Variants in TOP6BL observed in about 807,000 individuals in gnomAD.
TOP6BL encodes the protein type 2 DNA topoisomerase 6 subunit B-like.
At chr11:66,802,468 TA>T in the TOP6BL span, among the ~76,000 whole-genome samples, 1 of 152,108 alleles carries the variant, frequency 6.6e-6, no homozygotes, top group Admixed American at 6.6e-5. Flanking sequence ...ACTGCTAATT[TA>T]AAAAAAATTT....
the TOP6BL span, among the ~76,000 whole-genome samples, chr11:66,804,912 C>A: frequency 6.6e-6 from 1 of 151,996 alleles, no homozygotes; most frequent in Non-Finnish European, 1.5e-5. Context: ...TTAGTAAATA[C>A]AAAAATTAGC....
the TOP6BL span, among the ~76,000 whole-genome samples, chr11:66,764,409 T>C: frequency 6.6e-6 from 1 of 151,348 alleles, no homozygotes; most frequent in East Asian, 1.9e-4. Context: ...ATCCCAGCAC[T>C]TTGGGAGGCC....
the TOP6BL span, among the ~76,000 whole-genome samples, chr11:66,766,126 C>T: frequency 6.6e-6 from 1 of 152,122 alleles, no homozygotes; most frequent in African/African-American, 2.4e-5. Context: ...TCTGTAAATT[C>T]AGTTTAACTC....
At chr11:66,758,302 C>CTTTTCTTTTTTTTTTTTT in the TOP6BL span, 3 of 67,328 alleles carry the variant, frequency 4.5e-5, no homozygotes, top group East Asian at 9.8e-4. Context: ...TTTTCTTTTT[C>CTTTTCTTTTTTTTTTTTT]TTTTTTTTTT....
At chr11:66,833,755 C>T in the TOP6BL span, among the ~76,000 whole-genome samples, 3 of 152,028 alleles carry the variant, frequency 2.0e-5, no homozygotes, top group Non-Finnish European at 4.4e-5. Context: ...TGAAACCTGC[C>T]TGGCAAACAT....
the TOP6BL span, among the ~76,000 whole-genome samples, chr11:66,775,233 A>G: frequency 6.6e-6 from 1 of 151,100 alleles, no homozygotes; most frequent in Non-Finnish European, 1.5e-5. Context: ...TTTTTGTGAG[A>G]TGATATATCT....
chr11:66,816,747 G>A, the TOP6BL span, among the ~76,000 whole-genome samples: 1 of 152,078 alleles, frequency 6.6e-6, no homozygotes, highest in Admixed American at 6.6e-5. Flanking sequence ...ATTATATTTT[G>A]TATTATTATT....
At chr11:66,768,668 GT>G in the TOP6BL span, among the ~76,000 whole-genome samples, 4,143 of 115,350 alleles carry the variant, frequency 0.036, 140 homozygotes, top group African/African-American at 0.11. Flanking sequence ...TTTGTTTTTT[GT>G]TTTTTTTTTT....
the TOP6BL span, among the ~76,000 whole-genome samples, chr11:66,763,922 C>T: frequency 2.6e-5 from 4 of 152,172 alleles, no homozygotes; most frequent in African/African-American, 9.7e-5. Flanking sequence ...TTTATTTTAG[C>T]TCCAGAACAT....
the TOP6BL span, among the ~76,000 whole-genome samples, chr11:66,821,982 G>A: frequency 6.6e-6 from 1 of 152,248 alleles, no homozygotes; most frequent in East Asian, 1.9e-4. Context: ...CTCCTAGTAG[G>A]TGTGTTTGGG....
the TOP6BL span, among the ~76,000 whole-genome samples, chr11:66,772,978 G>C: frequency 2.0e-5 from 3 of 151,782 alleles, no homozygotes; most frequent in Non-Finnish European, 2.9e-5. Flanking sequence ...TTAAATATTT[G>C]GTGCAAATCA....
the TOP6BL span, chr11:66,744,840 C>CGGCG: frequency 9.0e-6 from 12 of 1,329,266 alleles, no homozygotes; most frequent in East Asian, 3.1e-5. Context: ...GCGGCGGCGG[C>CGGCG]GGCGGGCGGG....
the TOP6BL span, among the ~76,000 whole-genome samples, chr11:66,767,423 G>A: frequency 1.3e-5 from 2 of 152,090 alleles, no homozygotes; most frequent in Non-Finnish European, 2.9e-5. Context: ...GTGAGGAAAG[G>A]AAAGTGGATG....
At chr11:66,800,584 T>C in the TOP6BL span, 1 of 1,404,294 alleles carries the variant, frequency 7.1e-7, no homozygotes, top group Non-Finnish European at 9.7e-7. Flanking sequence ...GATATGGAAG[T>C]TTTTAATCTG....
chr11:66,800,932 A>T, the TOP6BL span: 18 of 1,271,480 alleles, frequency 1.4e-5, no homozygotes, highest in Admixed American at 2.8e-4. Context: ...GAATTCTAGT[A>T]ATCGCTGGGG....
chr11:66,824,484 T>C, the TOP6BL span, among the ~76,000 whole-genome samples: 2 of 150,154 alleles, frequency 1.3e-5, no homozygotes, highest in South Asian at 2.1e-4. Flanking sequence ...TTAGGGTACA[T>C]GTACACAACA....
chr11:66,796,045 C>G, the TOP6BL span: 1 of 439,342 alleles, frequency 2.3e-6, no homozygotes, highest in Non-Finnish European at 4.1e-6. Flanking sequence ...GGGTTTTACT[C>G]TGATCTTTAT....
At chr11:66,798,792 T>G in the TOP6BL span, among the ~76,000 whole-genome samples, 5 of 151,304 alleles carry the variant, frequency 3.3e-5, no homozygotes, top group African/African-American at 1.2e-4. Context: ...ATGTATTTTT[T>G]GGCCGGGCGT....
the TOP6BL span, among the ~76,000 whole-genome samples, chr11:66,834,125 A>T: frequency 3.9e-5 from 6 of 152,348 alleles, no homozygotes; most frequent in African/African-American, 1.4e-4. Context: ...ATCTGTGCCG[A>T]GATTTTCACT....
Sources: allele counts gnomAD v4.1 joint callset (sites outside exome capture counted in the v4.1 genomes callset), GRCh38; gene constraint gnomAD v4.1.1; transcripts MANE v1.5; gene names NCBI Gene and HGNC (gene_info 2026-07-23, HGNC 2026-07-21).